ARPP21: variants seen among roughly 807,000 people sequenced by gnomAD.
The protein encoded by ARPP21 is cAMP regulated phosphoprotein 21.
In ARPP21, 69 loss-of-function variants were observed where a neutral mutation model predicts 113.2. The ratio of observed to expected loss-of-function variants is 0.61; its 90% confidence interval spans 0.50 to 0.74. The LOEUF (loss-of-function observed/expected upper bound fraction) is 0.74, where lower values mean the gene tolerates loss of function less well. Ranked by LOEUF, ARPP21 falls within the 30% of genes least tolerant of loss-of-function variation. The pLI is 0.00. For missense variants in ARPP21, 1,070 were observed against 1,037.4 expected (o/e 1.03, Z -0.43); for synonymous variants, 368 against 375.5 (o/e 0.98, Z 0.23).
chr3:35,714,129 A>T (rs1471464792), intron 11 of ARPP21, among the ~76,000 whole-genome samples: 1 of 152,214 alleles, frequency 6.6e-6, no homozygotes, highest in South Asian at 2.1e-4. Context: ...ATTCTCTGAA[A>T]AGCTTTATCT....
At chr3:35,683,010 C>A in intron 4 of ARPP21, 121 bp downstream of exon 4, 3 of 920,212 alleles carry the variant, frequency 3.3e-6, no homozygotes, top group South Asian at 1.9e-5. Context: ...TGGGGCATCT[C>A]GGCTGTACTG....
chr3:35,735,828 G>C (rs1010251831), intron 15 of ARPP21, among the ~76,000 whole-genome samples: 1 of 152,238 alleles, frequency 6.6e-6, no homozygotes, highest in Non-Finnish European at 1.5e-5. Flanking sequence ...AGACTCACAA[G>C]TAGTTCAATG....
In ARPP21 at chr3:35,757,605, T is replaced by C. The variant is rs376222694; in HGVS notation, c.2137+13640T>C. 7.2e-4 allele frequency among the ~76,000 whole-genome samples: 109 copies of C among 152,212 alleles called. 1 individual carries two copies. The East Asian group carries it at 0.016, about 22-fold the overall frequency. On this transcript the variant is annotated intron_variant, in intron 19 of 20. Coordinates refer to ENST00000684406, the MANE Select transcript of ARPP21 (RefSeq NM_001385562.1). The stretch of plus-strand genomic sequence containing the variant: ...GTGGTTTTTGTTATGTTTGTTATGT[T>C]TTCTTTTATATGTAGAATATTTTAT...
intron 9 of ARPP21, among the ~76,000 whole-genome samples, chr3:35,698,578 T>G (rs2084986808): frequency 6.6e-6 from 1 of 151,620 alleles, no homozygotes; most frequent in African/African-American, 2.4e-5. Context: ...GATCCATCTC[T>G]TGTTCTTATC....
intron 1 of ARPP21, among the ~76,000 whole-genome samples, chr3:35,648,607 A>G (rs1320574901): frequency 6.6e-6 from 1 of 152,174 alleles, no homozygotes; most frequent in East Asian, 1.9e-4. Flanking sequence ...TATCTGCATT[A>G]CTTTTGCTGA....
chr3:35,777,853 C>T (rs968924856), intron 19 of ARPP21, among the ~76,000 whole-genome samples: 1 of 152,082 alleles, frequency 6.6e-6, no homozygotes, highest in Non-Finnish European at 1.5e-5. Flanking sequence ...GATATTTAAA[C>T]AGTAACATTG....
chr3:35,704,884 T>C (rs915745730), intron 9 of ARPP21, among the ~76,000 whole-genome samples: 1 of 152,112 alleles, frequency 6.6e-6, no homozygotes, highest in Non-Finnish European at 1.5e-5. Flanking sequence ...ATTCTAATTC[T>C]GGTTAGTGCT....
At chr3:35,681,983 G>A in intron 3 of ARPP21, 103 bp downstream of exon 3, 2 of 1,305,568 alleles carry the variant, frequency 1.5e-6, no homozygotes, top group Non-Finnish European at 1.0e-6. Flanking sequence ...GAGTTTCACT[G>A]GTTATATCAT....
At chr3:35,747,141 A>G (rs2095108364) in intron 19 of ARPP21, among the ~76,000 whole-genome samples, 1 of 152,178 alleles carries the variant, frequency 6.6e-6, no homozygotes, top group East Asian at 1.9e-4. Context: ...ACCTGAGGTC[A>G]GGAGCTCGAG....
chr3:35,686,746 T>G (rs1056871116), intron 5 of ARPP21, among the ~76,000 whole-genome samples: 1 of 151,668 alleles, frequency 6.6e-6, no homozygotes, highest in African/African-American at 2.4e-5. Context: ...TACATAAGAA[T>G]AAGTGGGCTT....
chr3:35,699,301 G>C (rs11129666), intron 9 of ARPP21, among the ~76,000 whole-genome samples: 72,843 of 151,336 alleles, frequency 0.48, 18,430 homozygotes, highest in East Asian at 0.79. Context: ...CTATAGGCAG[G>C]AGAATTATGC....
intron 14 of ARPP21, among the ~76,000 whole-genome samples, chr3:35,723,428 C>T (rs1218764618): frequency 6.6e-6 from 1 of 152,146 alleles, no homozygotes; most frequent in African/African-American, 2.4e-5. Context: ...GTTCACACTG[C>T]CTTTCTGCAA....
intron 17 of ARPP21, 147 bp downstream of exon 17, chr3:35,738,465 T>C: frequency 1.6e-6 from 1 of 634,500 alleles, no homozygotes; most frequent in Non-Finnish European, 2.8e-6. Context: ...TTTCTGAACA[T>C]TACAGCCCAT....
chr3:35,728,152 TTAATAATAA>T (rs3086922), intron 14 of ARPP21, among the ~76,000 whole-genome samples: 7,019 of 129,522 alleles, frequency 0.054, 612 homozygotes, highest in African/African-American at 0.18. Context: ...ATATATTACA[TTAATAATAA>T]TAATAATAAT....
chr3:35,790,068 CT>C (rs1428371126), intron 19 of ARPP21, among the ~76,000 whole-genome samples: 1 of 152,120 alleles, frequency 6.6e-6, no homozygotes, highest in African/African-American at 2.4e-5. Context: ...TCCTCTCCAT[CT>C]TTTTTGTTGT....
intron 9 of ARPP21, among the ~76,000 whole-genome samples, chr3:35,701,819 A>C (rs1576027610): frequency 1.3e-5 from 2 of 151,500 alleles, no homozygotes; most frequent in African/African-American, 4.8e-5. Flanking sequence ...TCATAATTAA[A>C]TCTGATATTT....
chr3:35,781,527 AT>A (rs1440458250), intron 19 of ARPP21: 1 of 152,194 alleles, frequency 6.6e-6, no homozygotes, highest in Non-Finnish European at 1.5e-5. Context: ...GCACATTTGT[AT>A]TTGTGTGGAC....
chr3:35,729,217 G>A (rs142327115), intron 14 of ARPP21, 86 bp from the exon 15 acceptor site: 142 of 870,174 alleles, frequency 1.6e-4, no homozygotes, highest in African/African-American at 1.0e-3. Context: ...ATGATGTGTC[G>A]CAGAAAAGTG....
Position 35,681,813 on chromosome 3 carries a change from C to T in ARPP21, c.62C>T (p.Thr21Met), listed in dbSNP as rs139626582. 416 of 1,611,410 alleles carry T rather than the reference C, an allele frequency of 2.6e-4. 1 individual carries two copies. The highest frequency in any genetic ancestry group is 5.0e-4 in the Middle Eastern group (3 of 6,042). Reference protein sequence around the residue: ...IAEEGGTEQETATPENGIVKS... With the variant: ...IAEEGGTEQEMATPENGIVKS... ...GAGGAAGGAGGGACTGAGCAGGAGA[C>T]GGCCACTCCAGAGAACGGCATTGTT... The change falls in exon 3 of 21, where the codon ACG becomes ATG. Residue 21 changes from threonine to methionine, a missense_variant. Thr to Met is a moderately conservative substitution (Grantham distance 81, BLOSUM62 -1). Coordinates refer to ENST00000684406, the MANE Select transcript of ARPP21 (RefSeq NM_001385562.1).
Sources: gnomAD v4.1 joint callset for allele counts (sites outside exome capture counted in the v4.1 genomes callset) on GRCh38, gnomAD v4.1.1 for gene constraint, MANE v1.5 for transcripts, NCBI Gene and HGNC (gene_info 2026-07-23, HGNC 2026-07-21) for gene names.